The following NBAS variants were observed in gnomAD, a reference collection of about 807,000 sequenced individuals.
The protein encoded by NBAS is NBAS subunit of NRZ tethering complex, also known as NAG/BC035112 fusion.
NBAS carries 219 observed loss-of-function variants against 302.5 expected under a neutral mutation model. The ratio of observed to expected loss-of-function variants is 0.72; its 90% CI spans 0.65 to 0.81. The LOEUF (loss-of-function observed/expected upper bound fraction) is 0.81. Ranked by LOEUF, NBAS falls within the 30% of genes least tolerant of loss-of-function variation. The pLI, the probability that NBAS is intolerant of heterozygous loss-of-function variation, is 0.00. For synonymous variants in NBAS, 1,118 were observed against 1,021.6 expected, an observed-to-expected ratio of 1.09 and a Z score of -1.80; for missense variants, 2,932 against 2,841.6, an observed-to-expected ratio of 1.03 and a Z score of -0.72.
chr2:15,201,420 T>C (rs1665872127), intron 48 of NBAS, among the ~76,000 whole-genome samples: 2 of 152,188 alleles, frequency 1.3e-5, no homozygotes, highest in African/African-American at 4.8e-5. Context: ...GCCTGTTGTG[T>C]CTACTGGATT....
At position 15,383,321 on chromosome 2, in the gene NBAS, GAA is replaced by G. The variant is rs767634529; in HGVS notation, c.3258-6_3258-5del. ...AGACTCACTGACAGGAGGCTGCCTG[GAA>G]AAACACATAAAAAAGACAAGGAAGA... On this transcript the variant is annotated splice_region_variant and splice_polypyrimidine_tract_variant and intron_variant, in intron 28 of 51. Transcript: ENST00000281513. 1 of 1,609,752 alleles carries G rather than the reference GAA, an allele frequency of 6.2e-7. No individual in the cohort carries two copies. The highest frequency in any genetic ancestry group is 1.3e-5 in the African/African-American group (1 of 74,766).
At chr2:15,087,256 A>ACACACC in the NBAS span, among the ~76,000 whole-genome samples, 4 of 127,978 alleles carry the variant, frequency 3.1e-5, no homozygotes, top group East Asian at 8.2e-4. Flanking sequence ...ACACACACAC[A>ACACACC]CCCCATATTG....
At chr2:15,344,500 T>C (rs1011841922) in intron 35 of NBAS, among the ~76,000 whole-genome samples, 13 of 152,100 alleles carry the variant, frequency 8.5e-5, no homozygotes, top group Non-Finnish European at 1.5e-4. Flanking sequence ...TAATGAGTTC[T>C]GAAATTGAGG....
intron 21 of NBAS, among the ~76,000 whole-genome samples, chr2:15,439,569 C>A (rs529664248): frequency 3.3e-5 from 5 of 152,076 alleles, no homozygotes; most frequent in Non-Finnish European, 7.4e-5. Context: ...CAGCTCCCAG[C>A]GTGAGCGATG....
At chr2:15,148,124 G>A in the NBAS span, among the ~76,000 whole-genome samples, 85 of 152,300 alleles carry the variant, frequency 5.6e-4, no homozygotes, top group Admixed American at 1.6e-3. Flanking sequence ...GGGAGGAGGA[G>A]ATTAACATAC....
rs573117045 is a variant in NBAS at position 15,324,046 on chromosome 2, T to G, written c.4582+3704A>C. Among the ~76,000 whole-genome samples the G allele has an allele frequency of 4.6e-4, 70 of 152,058 alleles. 1 individual carries two copies. Among genetic ancestry groups the G allele is most frequent in the Non-Finnish European group, 7.4e-5 (5 of 67,992 alleles). On this transcript the variant is annotated intron_variant, in intron 38 of 51. Coordinates refer to ENST00000281513, the MANE Select transcript of NBAS (RefSeq NM_015909.4). Reference sequence around the variant, plus strand: ...AAAAAATTGTGAAATCCTAATTGGATCGAGTAAAGGGCAAGATGGTAGCGA... The same window carrying G: ...AAAAAATTGTGAAATCCTAATTGGAGCGAGTAAAGGGCAAGATGGTAGCGA...
At chr2:15,404,575 C>T (rs1676317075) in intron 25 of NBAS, among the ~76,000 whole-genome samples, 1 of 151,176 alleles carries the variant, frequency 6.6e-6, no homozygotes, top group Non-Finnish European at 1.5e-5. Flanking sequence ...TGCAGTGGTG[C>T]AATCTCGGCT....
intron 38 of NBAS, among the ~76,000 whole-genome samples, chr2:15,324,524 G>A (rs60160107): frequency 0.26 from 40,107 of 151,736 alleles, 5,804 homozygotes; most frequent in East Asian, 0.55. Context: ...GTCAAATATC[G>A]GCTGCTTCAG....
At chr2:15,343,851 TTAA>T (rs1672966005) in intron 35 of NBAS, among the ~76,000 whole-genome samples, 2 of 151,082 alleles carry the variant, frequency 1.3e-5, no homozygotes, top group Admixed American at 1.3e-4. Flanking sequence ...AAAGAAAATA[TTAA>T]TAAACAAAAC....
the NBAS span, among the ~76,000 whole-genome samples, chr2:15,134,097 T>C: frequency 8.7e-5 from 13 of 149,230 alleles, no homozygotes; most frequent in African/African-American, 3.2e-4. Flanking sequence ...TGCAATGAAA[T>C]GGAAGTTTAT....
At chr2:15,431,333 T>C (rs1240868270) in intron 21 of NBAS, among the ~76,000 whole-genome samples, 1 of 152,226 alleles carries the variant, frequency 6.6e-6, no homozygotes, top group African/African-American at 2.4e-5. Flanking sequence ...AGGATGTTTC[T>C]ACAAAACAAT....
chr2:15,294,404 T>A (rs533924209), intron 40 of NBAS, among the ~76,000 whole-genome samples: 1 of 152,328 alleles, frequency 6.6e-6, no homozygotes, highest in Admixed American at 6.5e-5. Flanking sequence ...AGAGAGTGAT[T>A]TGGGAACCAG....
chr2:15,238,892 T>A (rs1401343100), intron 44 of NBAS, among the ~76,000 whole-genome samples: 3 of 152,168 alleles, frequency 2.0e-5, no homozygotes. Context: ...TTAAGATTTT[T>A]AAAAATGTTA....
chr2:15,047,459 C>A, the NBAS span, among the ~76,000 whole-genome samples: 1 of 152,162 alleles, frequency 6.6e-6, no homozygotes, highest in East Asian at 1.9e-4. Context: ...AAAGGCTGGG[C>A]CCATGCAGGT....
intron 9 of NBAS, among the ~76,000 whole-genome samples, chr2:15,522,047 C>T (rs4668919): frequency 0.53 from 80,287 of 152,002 alleles, 23,874 homozygotes; most frequent in Non-Finnish European, 0.67. Flanking sequence ...AAAGGCCAAA[C>T]CACAAAGGGC....
At chr2:15,115,567 C>G in the NBAS span, among the ~76,000 whole-genome samples, 1 of 152,140 alleles carries the variant, frequency 6.6e-6, no homozygotes, top group African/African-American at 2.4e-5. Context: ...GTGGTACAAT[C>G]ACAGCTCACT....
the NBAS span, among the ~76,000 whole-genome samples, chr2:15,134,752 G>A: frequency 1.3e-5 from 2 of 151,856 alleles, no homozygotes; most frequent in African/African-American, 4.8e-5. Context: ...CTTATGGCTT[G>A]TATATCTACC....
chr2:15,227,553 G>A (rs1419630656), intron 47 of NBAS, among the ~76,000 whole-genome samples: 1 of 151,978 alleles, frequency 6.6e-6, no homozygotes, highest in Non-Finnish European at 1.5e-5. Context: ...AACAAACACA[G>A]CTGGAGGCAT....
At position 15,556,351 on chromosome 2, in the gene NBAS, A is replaced by T. The variant is rs1664646276; in HGVS notation, c.209+432T>A. 2.0e-5 allele frequency among the ~76,000 whole-genome samples: 3 copies of T among 152,232 alleles called. No homozygotes were observed. In the South Asian group the frequency reaches 6.2e-4, roughly 32 times the overall value. ...GCTGGAAATTAGCATCATCCCTGCA[A>T]ATATACTTAACACTCAAGGAATTAA... On this transcript the variant is annotated intron_variant, in intron 3 of 51. Transcript: ENST00000281513.
Sources: allele counts gnomAD v4.1 joint callset (sites outside exome capture counted in the v4.1 genomes callset), GRCh38; gene constraint gnomAD v4.1.1; transcripts MANE v1.5; gene names NCBI Gene and HGNC (gene_info 2026-07-23, HGNC 2026-07-21).